The following SMARCC2 variants were observed in gnomAD, a reference collection of about 807,000 sequenced individuals.
SMARCC2 encodes SWI/SNF related BAF chromatin remodeling complex subunit C2.
A neutral mutation model predicts 151.3 loss-of-function variants in SMARCC2; 15 were observed. The ratio of observed to expected loss-of-function variants is 0.10; its 90% CI spans 0.07 to 0.15. SMARCC2 has a LOEUF of 0.15. SMARCC2 is among the 10% of genes least tolerant of loss of function. The pLI is 1.00. For synonymous variants in SMARCC2, 590 were observed against 609.5 expected, an observed-to-expected ratio of 0.97 and a Z score of 0.47; for missense variants, 1,031 against 1,599.7, an observed-to-expected ratio of 0.64 and a Z score of 6.06.
In SMARCC2 at chr12:56,171,458, T is replaced by C. The variant is rs1228055079; in HGVS notation, c.2186-26A>G. The C allele has an allele frequency of 6.2e-7, 1 of 1,614,100 alleles. No homozygotes were observed. The highest frequency in any genetic ancestry group is 8.5e-7 in the Non-Finnish European group (1 of 1,179,940). On this transcript the variant is annotated intron_variant, in intron 21 of 28. Transcript: ENST00000550164. This position sits in a 1 kb window ranked among gnomAD's most constrained non-coding sequence, Gnocchi z 4.2. Reference sequence around the variant, plus strand: ...CTGCAAGACCCAGAAAGAATGAGGCTGGGAGCGGCACAGTGGAACAGTTCT... The same window carrying C: ...CTGCAAGACCCAGAAAGAATGAGGCCGGGAGCGGCACAGTGGAACAGTTCT...
chr12:56,165,175 T>C (rs1211850733), intron 27 of SMARCC2, 143 bp downstream of exon 27: 18 of 1,065,458 alleles, frequency 1.7e-5, no homozygotes, highest in Non-Finnish European at 2.3e-5. Flanking sequence ...TCCTGCTGAT[T>C]TAGGGGCCTA....
At chr12:56,172,812 A>G in intron 18 of SMARCC2, 108 bp from the exon 19 acceptor site, 1 of 1,556,090 alleles carries the variant, frequency 6.4e-7, no homozygotes, top group Non-Finnish European at 8.8e-7. Context: ...AGCCAGGGAC[A>G]CCCCTGGGTG....
In SMARCC2 at chr12:56,165,572, G is replaced by A; in HGVS notation, c.2978C>T (p.Pro993Leu). The A allele has an allele frequency of 1.9e-6, 3 of 1,613,512 alleles. No individual in the cohort carries two copies. Among genetic ancestry groups the A allele is most frequent in the Non-Finnish European group, 2.5e-6 (3 of 1,179,990 alleles). Residue 993 changes from proline (P) to leucine (L), a missense_variant, in exon 27 of 29, where the codon CCA becomes CTA. Pro to Leu is a moderately conservative substitution (Grantham distance 98). Transcript: ENST00000550164. ...CTGGGAGCCTGGGGGCAGGGCTGGTGGTGGCTGCTGCTGCTGTTGGTGCAT... is the reference window on the plus strand; with the variant it reads ...CTGGGAGCCTGGGGGCAGGGCTGGTAGTGGCTGCTGCTGCTGTTGGTGCAT... Reference protein sequence around the residue: ...QQMHQQQQQPPPALPPGSQPI... With the variant: ...QQMHQQQQQPLPALPPGSQPI...
In SMARCC2 at chr12:56,165,514, G is replaced by C. The variant is rs550020510; in HGVS notation, c.3036C>G (p.Pro1012=). Residue 1012 remains proline, a synonymous_variant, in exon 27 of 29, where the codon CCC becomes CCG. Transcript: ENST00000550164. ...GAGCCACAGCCAAGCCATGGACTGC[G>C]GGTGGCCCAGCAGCCCCTGTTGGGG... ...PIPPTGAAGP[P]AVHGLAVAPA... is the part of the protein sequence containing the mutation. 3.1e-6 allele frequency: 5 copies of C among 1,601,710 alleles called. No homozygotes were observed. The African/African-American group carries it at 5.4e-5, about 17-fold the overall frequency.
rs911813784 is a variant in SMARCC2, at chr12:56,169,699, G to C, written c.2549-4C>G. 1 of 1,613,970 alleles carries C rather than the reference G, an allele frequency of 6.2e-7. No homozygotes were observed. ...TCCTTCTCCTTCTCAGGATCGACTGGGCCAGGACAAGGGTTGAGTTAGCCC... is the reference window on the plus strand; with the variant it reads ...TCCTTCTCCTTCTCAGGATCGACTGCGCCAGGACAAGGGTTGAGTTAGCCC... On this transcript the variant is annotated splice_region_variant and splice_polypyrimidine_tract_variant and intron_variant, in intron 24 of 28. Coordinates refer to ENST00000550164, the MANE Select transcript of SMARCC2 (RefSeq NM_001330288.2).
rs1310333804 is a variant in SMARCC2, at chr12:56,169,698, G to A, written c.2549-3C>T. 2 of 1,613,904 alleles carry A rather than the reference G, an allele frequency of 1.2e-6. No individual in the cohort carries two copies. Among genetic ancestry groups the A allele is most frequent in the African/African-American group, 2.7e-5 (2 of 74,894 alleles). ...CTCCTTCTCCTTCTCAGGATCGACT[G>A]GGCCAGGACAAGGGTTGAGTTAGCC... On this transcript the variant is annotated splice_region_variant and splice_polypyrimidine_tract_variant and intron_variant, in intron 24 of 28. Coordinates refer to ENST00000550164, the MANE Select transcript of SMARCC2 (RefSeq NM_001330288.2).
At chr12:56,187,113 T>C in intron 2 of SMARCC2, 74 bp downstream of exon 2, 1 of 1,459,160 alleles carries the variant, frequency 6.9e-7, no homozygotes, top group Non-Finnish European at 9.3e-7. Context: ...CAAATCTTTT[T>C]TTAAAATACA....
chr12:56,179,056 A>G lies in SMARCC2; in HGVS notation c.1082T>C (p.Val361Ala). The change falls in exon 12 of 29, where the codon GTC becomes GCC. Residue 361 changes from valine to alanine, a missense_variant and splice_region_variant. Val to Ala is a moderately conservative substitution (Grantham distance 64). Coordinates refer to ENST00000550164, the MANE Select transcript of SMARCC2 (RefSeq NM_001330288.2). ...NVEEVTLPKT[V>A]NTKKDSESAP... ...CGACTCTGAGTCTTTCTTTGTGTTG[A>G]CTGCGAAAACAGAGAGTCATTTTAT... 4 of 1,613,984 alleles carry G rather than the reference A, an allele frequency of 2.5e-6. No homozygotes were observed. In the South Asian group the frequency reaches 4.4e-5, roughly 18 times the overall value.
intron 22 of SMARCC2, among the ~76,000 whole-genome samples, chr12:56,170,982 C>T (rs545752847): frequency 3.3e-5 from 5 of 152,176 alleles, no homozygotes; most frequent in African/African-American, 1.2e-4. Context: ...CCACCCACCT[C>T]GGCCTCCCAA....
chr12:56,183,980 A>G (rs1459770222), intron 6 of SMARCC2, 50 bp from the exon 7 acceptor site: 1 of 1,406,210 alleles, frequency 7.1e-7, no homozygotes, highest in African/African-American at 1.4e-5. Flanking sequence ...GGGGGACACA[A>G]AAAAAATACT....
chr12:56,178,004 GA>G lies in SMARCC2; in HGVS notation c.1382+17del. 6.4e-7 allele frequency: 1 copy of G among 1,550,552 alleles called. No individual in the cohort carries two copies. The highest frequency in any genetic ancestry group is 2.2e-5 in the East Asian group (1 of 44,548). On this transcript the variant is annotated intron_variant, in intron 15 of 28. Coordinates refer to ENST00000550164, the MANE Select transcript of SMARCC2 (RefSeq NM_001330288.2). ...GGACAGGAGGGAGAAGGAGAATCAT[GA>G]GATGAGATTTCCTTACATCTCTGGA...
At chr12:56,183,806 A>G in intron 7 of SMARCC2, 55 bp downstream of exon 7, 1 of 1,239,444 alleles carries the variant, frequency 8.1e-7, no homozygotes. Context: ...TAGATGTCCT[A>G]GGGCTTCTGG....
intron 16 of SMARCC2, chr12:56,174,421 AT>A: frequency 2.3e-6 from 1 of 432,366 alleles, no homozygotes; most frequent in Admixed American, 3.8e-5. Context: ...CTGAACCAGT[AT>A]CTTTCAATTA....
chr12:56,178,559 A>G (rs1366528457), intron 13 of SMARCC2, 25 bp from the exon 14 acceptor site: 25 of 1,613,880 alleles, frequency 1.5e-5, no homozygotes, highest in Non-Finnish European at 1.9e-5. Context: ...GCTGCTGGAC[A>G]CTCAGCATTC....
intron 28 of SMARCC2, among the ~76,000 whole-genome samples, chr12:56,163,996 G>A (rs1045551101): frequency 2.0e-5 from 3 of 152,112 alleles, no homozygotes; most frequent in South Asian, 4.2e-4. Flanking sequence ...ATAAGCAAAG[G>A]GATGCCACTC....
Position 56,187,360 on chromosome 12 carries a change from T to A in SMARCC2, c.112-54A>T, listed in dbSNP as rs1056085926. The A allele has an allele frequency of 2.0e-6, 3 of 1,537,318 alleles. No homozygotes were observed. In the African/African-American group the frequency reaches 4.1e-5, roughly 21 times the overall value. ...AATAGATCTCAGATAAATTGTCCAC[T>A]ATCTCCCATATTTCTCCCCCAGGGG... On this transcript the variant is annotated intron_variant, in intron 1 of 28. Transcript: ENST00000550164.
rs952374527 is a variant in SMARCC2, at chr12:56,185,115, G to A, written c.318-4C>T. 1.9e-6 allele frequency: 3 copies of A among 1,612,832 alleles called. No homozygotes were observed. The highest frequency in any genetic ancestry group is 1.7e-5 in the Admixed American group (1 of 59,988). On this transcript the variant is annotated splice_region_variant and splice_polypyrimidine_tract_variant and intron_variant, in intron 3 of 28. Coordinates refer to ENST00000550164, the MANE Select transcript of SMARCC2 (RefSeq NM_001330288.2). ...ATTCTGGAAATCGTAACGCCGCCTT[G>A]TGAAGAGGCAATAATCTAGTGAGTG...
At position 56,163,751 on chromosome 12, in the gene SMARCC2, G is replaced by A; in HGVS notation, c.3676C>T (p.Leu1226=). The A allele has an allele frequency of 6.6e-7, 1 of 1,505,904 alleles. No individual in the cohort carries two copies. The highest frequency in any genetic ancestry group is 8.8e-7 in the Non-Finnish European group (1 of 1,135,674). 93.3% of individuals were successfully genotyped at this position (1,505,904 alleles called of 1,614,324 possible). The change falls in exon 29 of 29, where the codon CTG becomes TTG. Residue 1226 remains leucine (L), a synonymous_variant. Coordinates refer to ENST00000550164, the MANE Select transcript of SMARCC2 (RefSeq NM_001330288.2). ...CTCGGGGCTGTGGGGTCTGGAGGCAGGGGGGTGCCTGGGTCTGTGGAGAAA... is the reference window on the plus strand; with the variant it reads ...CTCGGGGCTGTGGGGTCTGGAGGCAAGGGGGTGCCTGGGTCTGTGGAGAAA... ...ASPLPDPGTP[L]PPDPTAPSPG... is the part of the protein sequence containing the mutation.
chr12:56,181,066 T>G lies in SMARCC2; in HGVS notation c.992A>C (p.His331Pro). Residue 331 changes from histidine (H) to proline (P), a missense_variant, in exon 11 of 29, where the codon CAC (histidine) becomes CCC (proline). Around this residue, in one of 12 missense-constraint regions of SMARCC2, gnomAD observed 127 missense variants for 141.7 expected, o/e 0.90. Transcript: ENST00000550164. ...CAGGTCTTCTTGCTCCTCTTCTCTG[T>G]GGCCACGCTTTGACTTAGTGTAAGG... ...STPYTKSKRG[H>P]REEEQEDLTK... The G allele has an allele frequency of 6.2e-7, 1 of 1,613,948 alleles. No homozygotes were observed. The highest frequency in any genetic ancestry group is 2.2e-5 in the East Asian group (1 of 44,872).
Sources: gnomAD v4.1 joint callset for allele counts (sites outside exome capture counted in the v4.1 genomes callset) on GRCh38, gnomAD v4.1.1 for gene constraint, gnomAD v4.1.1 regional missense constraint, Gnocchi (gnomAD v3.1) non-coding constraint, MANE v1.5 for transcripts, NCBI Gene and HGNC (gene_info 2026-07-23, HGNC 2026-07-21) for gene names.